Variants in WBP2NL observed in about 807,000 individuals in gnomAD.
WBP2NL encodes WBP2 N-terminal like.
In WBP2NL, 27 loss-of-function variants were observed where a neutral mutation model predicts 23.3. The observed-to-expected ratio is 1.16, with a 90% CI of 0.85 to 1.60. WBP2NL has a LOEUF of 1.60. WBP2NL is among the 40% of genes most tolerant of loss of function. WBP2NL has a pLI of 0.00. For synonymous variants in WBP2NL, 151 were observed against 145.9 expected (o/e 1.03, Z -0.25); for missense variants, 370 against 389.5 (o/e 0.95, Z 0.42).
At chr22:42,041,554 C>T (rs1161959541) in intron 8 of WBP2NL, among the ~76,000 whole-genome samples, 2 of 150,342 alleles carry the variant, frequency 1.3e-5, no homozygotes, top group Non-Finnish European at 3.0e-5. Flanking sequence ...CTTTTGGTTA[C>T]CATTTGCATG....
intron 1 of WBP2NL, among the ~76,000 whole-genome samples, chr22:42,008,612 T>C (rs1357840922): frequency 1.3e-5 from 2 of 152,068 alleles, no homozygotes; most frequent in African/African-American, 4.8e-5. Context: ...TCTTTTTATA[T>C]GCTCATTGGC....
At chr22:41,998,918 G>A (rs1277881511) in intron 1 of WBP2NL, 38 bp downstream of exon 1, 6 of 1,587,456 alleles carry the variant, frequency 3.8e-6, no homozygotes, top group Non-Finnish European at 4.3e-6. Flanking sequence ...TCGGAGGAGA[G>A]GAGACGAATG....
chr22:42,009,319 T>C (rs1873598869), intron 1 of WBP2NL, among the ~76,000 whole-genome samples: 1 of 152,258 alleles, frequency 6.6e-6, no homozygotes, highest in South Asian at 2.1e-4. Context: ...AAGTTTGATA[T>C]AGTCCAATTT....
chr22:42,048,941 A>G (rs1569454971), intron 8 of WBP2NL, among the ~76,000 whole-genome samples: 1 of 152,184 alleles, frequency 6.6e-6, no homozygotes, highest in African/African-American at 2.4e-5. Context: ...CCCTCTCACT[A>G]TTCCTATTCT....
At chr22:42,030,765 A>G (rs573997744), downstream of WBP2NL, 50 of 152,382 alleles carry the variant, frequency 3.3e-4, no homozygotes, top group African/African-American at 1.2e-3. Context: ...GACTCAACCA[A>G]CTAGAGCAGG....
At chr22:42,010,791 G>A (rs934726952) in intron 1 of WBP2NL, among the ~76,000 whole-genome samples, 1 of 152,152 alleles carries the variant, frequency 6.6e-6, no homozygotes, top group East Asian at 1.9e-4. Flanking sequence ...GCCCGCCTTG[G>A]CCTCCCAAAG....
chr22:42,032,299 C>T (rs984179207), downstream of WBP2NL: 4 of 152,820 alleles, frequency 2.6e-5, no homozygotes, highest in African/African-American at 9.7e-5. Context: ...GTCAGAGATC[C>T]AACTCTGTGT....
intron 5 of WBP2NL, among the ~76,000 whole-genome samples, chr22:42,022,782 A>C (rs1393651106): frequency 1.3e-5 from 2 of 152,180 alleles, no homozygotes; most frequent in African/African-American, 2.4e-5. Flanking sequence ...CTGCTACTGA[A>C]TGGGGTTTCT....
chr22:42,004,431 T>TA (rs1922012777), intron 1 of WBP2NL, among the ~76,000 whole-genome samples: 2 of 151,974 alleles, frequency 1.3e-5, no homozygotes, highest in South Asian at 4.2e-4. Context: ...CTATCTCTAC[T>TA]AAAAATACAA....
At chr22:42,049,694 ACAAAAC>A (rs1569455097) in intron 8 of WBP2NL, among the ~76,000 whole-genome samples, 22 of 58,722 alleles carry the variant, frequency 3.7e-4, no homozygotes, top group African/African-American at 2.0e-3. Context: ...CGTCTCCAAA[ACAAAAC>A]AAAACAAAAA....
intron 3 of WBP2NL, 55 bp downstream of exon 3, chr22:42,019,858 G>C (rs1472372404): frequency 6.2e-7 from 1 of 1,606,420 alleles, no homozygotes; most frequent in African/African-American, 1.3e-5. Context: ...CTTCTAAAAG[G>C]TTTAAGATTC....
intron 8 of WBP2NL, among the ~76,000 whole-genome samples, chr22:42,046,184 G>C (rs528225860): frequency 6.6e-6 from 1 of 152,226 alleles, no homozygotes; most frequent in Admixed American, 6.5e-5. Flanking sequence ...GGTTGGTAGG[G>C]TGAGGTGGGG....
At chr22:42,046,512 G>T (rs1015476519) in intron 8 of WBP2NL, among the ~76,000 whole-genome samples, 12 of 152,128 alleles carry the variant, frequency 7.9e-5, no homozygotes, top group African/African-American at 2.9e-4. Context: ...AAACAGTGAA[G>T]AAATTTTTTA....
Position 42,020,083 on chromosome 22 carries a change from A to G in WBP2NL, c.393A>G (p.Lys131=). Residue 131 remains lysine, a synonymous_variant, in exon 4 of 6, where the codon AAA becomes AAG. Coordinates refer to ENST00000328823, the MANE Select transcript of WBP2NL (RefSeq NM_152613.3). ...TTGAATTTGCCCAGTTGATGGTGAAAGCTGCCTCTGCTGGTAAGTGATGCT... is the reference window on the plus strand; with the variant it reads ...TTGAATTTGCCCAGTTGATGGTGAAGGCTGCCTCTGCTGGTAAGTGATGCT... ...DAIEFAQLMV[K]AASAAARGFP... 1 of 1,613,924 alleles carries G rather than the reference A, an allele frequency of 6.2e-7. No individual in the cohort carries two copies. Among genetic ancestry groups the G allele is most frequent in the Non-Finnish European group, 8.5e-7 (1 of 1,179,842 alleles).
At chr22:42,049,414 G>A (rs1314079525) in intron 8 of WBP2NL, among the ~76,000 whole-genome samples, 1 of 152,112 alleles carries the variant, frequency 6.6e-6, no homozygotes, top group African/African-American at 2.4e-5. Context: ...TAGGAGGCCG[G>A]GCACGGTGGC....
At chr22:42,054,318 T>C (rs1354406813) in intron 8 of WBP2NL, among the ~76,000 whole-genome samples, 6 of 152,088 alleles carry the variant, frequency 3.9e-5, no homozygotes, top group African/African-American at 1.2e-4. Context: ...GCAGCTGGGA[T>C]TACAGGCGCA....
intron 8 of WBP2NL, among the ~76,000 whole-genome samples, chr22:42,057,888 T>C: frequency 4.1e-5 from 1 of 24,350 alleles, no homozygotes; most frequent in East Asian, 8.2e-4. Flanking sequence ...TATATATATA[T>C]ATATATATAT....
chr22:42,049,705 C>CAAAAAAAAAAAAAAAA (rs1158837575), intron 8 of WBP2NL, among the ~76,000 whole-genome samples: 83 of 37,424 alleles, frequency 2.2e-3, no homozygotes, highest in Non-Finnish European at 3.1e-3. Context: ...CAAAACAAAA[C>CAAAAAAAAAAAAAAAA]AAAAAAAAAA....
intron 1 of WBP2NL, chr22:42,001,847 A>G (rs1196472090): frequency 2.9e-6 from 4 of 1,374,164 alleles, no homozygotes. Flanking sequence ...GCTTGCTGGC[A>G]TGCTGCACCT....
Sources: allele counts gnomAD v4.1 joint callset (sites outside exome capture counted in the v4.1 genomes callset), GRCh38; gene constraint gnomAD v4.1.1; transcripts MANE v1.5; gene names NCBI Gene and HGNC (gene_info 2026-07-23, HGNC 2026-07-21).